MTREX: variants seen among roughly 807,000 people sequenced by gnomAD.
MTREX encodes the protein Mtr4 exosome RNA helicase, also known as exosome RNA helicase MTR4.
In MTREX, 76 loss-of-function variants were observed where a neutral mutation model predicts 135.4. That is an observed-to-expected ratio of 0.56 (90% CI 0.47 to 0.68). The LOEUF is 0.68. MTREX is among the 30% of genes least tolerant of loss of function. The probability of loss-of-function intolerance (pLI) is 0.00; values close to 1 mark genes in which losing one functional copy is unlikely to be tolerated. For missense variants in MTREX, 920 were observed against 1,262.1 expected, an observed-to-expected ratio of 0.73 and a Z score of 4.11; for synonymous variants, 404 against 401.6, an observed-to-expected ratio of 1.01 and a Z score of -0.07.
At chr5:55,329,051 T>C (rs2112040606) in intron 5 of MTREX, among the ~76,000 whole-genome samples, 1 of 152,348 alleles carries the variant, frequency 6.6e-6, no homozygotes, top group Admixed American at 6.5e-5. Flanking sequence ...AGCATGATAT[T>C]ACCTGTTGGT....
At chr5:55,344,453 G>T in intron 8 of MTREX, 69 bp from the exon 9 acceptor site, 1 of 972,880 alleles carries the variant, frequency 1.0e-6, no homozygotes, top group Non-Finnish European at 1.6e-6. Context: ...AGATCTTTTA[G>T]GTTGGACTAA....
chr5:55,421,392 G>A (rs1418645820), intron 25 of MTREX, among the ~76,000 whole-genome samples: 5 of 152,234 alleles, frequency 3.3e-5, no homozygotes, highest in Non-Finnish European at 7.3e-5. Context: ...AACAACCACA[G>A]TCATTGTATA....
intron 15 of MTREX, among the ~76,000 whole-genome samples, chr5:55,365,881 C>T (rs1403945205): frequency 6.6e-6 from 1 of 151,622 alleles, no homozygotes; most frequent in African/African-American, 2.4e-5. Context: ...GTCCCAGCTA[C>T]TTGGGAGGCT....
Position 55,425,152 on chromosome 5 carries a change from C to A in MTREX, c.*380C>A. On this transcript the variant is annotated 3_prime_UTR_variant, in exon 27 of 27. Coordinates refer to ENST00000230640, the MANE Select transcript of MTREX (RefSeq NM_015360.5). ...AAAGATGCATCCTCTTGCCTTGTGGCAATCATTTTCCTTTAGAAAACAGGC... is the reference window on the plus strand; with the variant it reads ...AAAGATGCATCCTCTTGCCTTGTGGAAATCATTTTCCTTTAGAAAACAGGC... 1 of 1,574,620 alleles carries A rather than the reference C, an allele frequency of 6.4e-7. No individual in the cohort carries two copies. Among genetic ancestry groups the A allele is most frequent in the Non-Finnish European group, 8.6e-7 (1 of 1,162,628 alleles).
At chr5:55,326,577 G>A (rs1749381887) in intron 3 of MTREX, among the ~76,000 whole-genome samples, 1 of 152,068 alleles carries the variant, frequency 6.6e-6, no homozygotes, top group Admixed American at 6.6e-5. Context: ...AATGTCCTCT[G>A]ATTATAACCT....
chr5:55,341,691 G>T lies in MTREX; in HGVS notation c.701G>T (p.Ser234Ile). 6.4e-7 allele frequency: 1 copy of T among 1,569,964 alleles called. No individual in the cohort carries two copies. The highest frequency in any genetic ancestry group is 8.7e-7 in the Non-Finnish European group (1 of 1,149,550). Residue 234 changes from serine (S) to isoleucine (I), a missense_variant, in exon 7 of 27, where the codon AGT becomes ATT. Coordinates refer to ENST00000230640, the MANE Select transcript of MTREX (RefSeq NM_015360.5). The stretch of plus-strand genomic sequence containing the variant: ...TACTTTTTTCTTTAGATTTTGAGAA[G>T]TATGCTTTACAGAGGTTCCGAAGTT... ...CLVMTTEILR[S>I]MLYRGSEVMR...
At chr5:55,411,595 G>C (rs1750885014) in intron 23 of MTREX, among the ~76,000 whole-genome samples, 1 of 152,112 alleles carries the variant, frequency 6.6e-6, no homozygotes, top group African/African-American at 2.4e-5. Context: ...TCTTGAAGTA[G>C]ATGGGTACTT....
At chr5:55,393,863 A>C (rs1190680379) in intron 19 of MTREX, among the ~76,000 whole-genome samples, 1 of 152,228 alleles carries the variant, frequency 6.6e-6, no homozygotes, top group East Asian at 1.9e-4. Flanking sequence ...CTATTCATTC[A>C]ATTTTTAAAC....
At chr5:55,311,497 A>C (rs902785744) in intron 1 of MTREX, among the ~76,000 whole-genome samples, 40 of 152,172 alleles carry the variant, frequency 2.6e-4, no homozygotes, top group African/African-American at 8.7e-4. Context: ...GGATGAGTGA[A>C]GGGAGAAACC....
chr5:55,351,108 G>T, intron 13 of MTREX, 79 bp downstream of exon 13: 1 of 1,407,076 alleles, frequency 7.1e-7, no homozygotes. Context: ...ATTGTTTATA[G>T]GCAATATGTG....
intron 23 of MTREX, among the ~76,000 whole-genome samples, chr5:55,413,247 G>A (rs771538200): frequency 6.0e-5 from 9 of 150,970 alleles, no homozygotes; most frequent in African/African-American, 9.8e-5. Context: ...TGAGGCAGGG[G>A]AATCGCTTGA....
intron 1 of MTREX, among the ~76,000 whole-genome samples, chr5:55,312,131 T>C (rs1749123340): frequency 6.6e-6 from 1 of 152,260 alleles, no homozygotes; most frequent in Non-Finnish European, 1.5e-5. Context: ...TCACTAGTAC[T>C]TGCACAGTGG....
intron 20 of MTREX, among the ~76,000 whole-genome samples, chr5:55,398,367 G>A (rs1188399220): frequency 2.6e-5 from 4 of 152,166 alleles, no homozygotes; most frequent in Non-Finnish European, 5.9e-5. Context: ...AAGATAAGTA[G>A]GATGCTTTCA....
intron 18 of MTREX, among the ~76,000 whole-genome samples, chr5:55,382,707 A>G (rs1750415938): frequency 6.6e-6 from 1 of 152,108 alleles, no homozygotes; most frequent in Admixed American, 6.5e-5. Context: ...ATCTCAGCTC[A>G]GGGCAACCTC....
intron 25 of MTREX, among the ~76,000 whole-genome samples, chr5:55,420,393 A>G (rs1751035848): frequency 6.6e-6 from 1 of 152,230 alleles, no homozygotes; most frequent in Admixed American, 6.5e-5. Context: ...ATGCTCTTAA[A>G]TAAAAGCATA....
At chr5:55,382,793 C>A (rs1248568677) in intron 18 of MTREX, among the ~76,000 whole-genome samples, 1 of 152,012 alleles carries the variant, frequency 6.6e-6, no homozygotes, top group Non-Finnish European at 1.5e-5. Context: ...CCACCACACC[C>A]AGCTAATTTT....
chr5:55,332,197 T>C (rs887250502), intron 5 of MTREX, among the ~76,000 whole-genome samples: 2 of 152,280 alleles, frequency 1.3e-5, no homozygotes, highest in East Asian at 3.9e-4. Flanking sequence ...TGAATACTAA[T>C]GTTTGATGGA....
intron 16 of MTREX, 79 bp from the exon 17 acceptor site, chr5:55,378,233 AAT>A (rs766115670): frequency 3.6e-4 from 523 of 1,437,956 alleles, no homozygotes; most frequent in Non-Finnish European, 4.5e-4. Context: ...GCACCAACCT[AAT>A]AGAAAAAATC....
intron 4 of MTREX, among the ~76,000 whole-genome samples, chr5:55,328,458 T>G (rs577297745): frequency 6.6e-6 from 1 of 152,312 alleles, no homozygotes; most frequent in East Asian, 1.9e-4. Context: ...ATTAATATAA[T>G]AGACACCAAC....
Sources: gnomAD v4.1 joint callset for allele counts (sites outside exome capture counted in the v4.1 genomes callset) on GRCh38, gnomAD v4.1.1 for gene constraint, MANE v1.5 for transcripts, NCBI Gene and HGNC (gene_info 2026-07-23, HGNC 2026-07-21) for gene names.